Variants in PLEKHA6 observed in about 807,000 individuals in gnomAD.
The protein encoded by PLEKHA6 is pleckstrin homology domain-containing family A member 6.
PLEKHA6 carries 60 observed loss-of-function variants against 116.7 expected under a neutral mutation model. The ratio of observed to expected loss-of-function variants is 0.51; its 90% CI spans 0.42 to 0.64. PLEKHA6 has a LOEUF of 0.64. Ranked by LOEUF, PLEKHA6 falls within the 30% of genes least tolerant of loss-of-function variation. The pLI, the probability that PLEKHA6 is intolerant of heterozygous loss-of-function variation, is 0.00. For missense variants in PLEKHA6, 1,338 were observed against 1,422.7 expected (o/e 0.94, Z 0.96); for synonymous variants, 489 against 556.1 (o/e 0.88, Z 1.70).
chr1:204,245,295 C>A (rs1281164501), intron 14 of PLEKHA6, among the ~76,000 whole-genome samples: 1 of 151,942 alleles, frequency 6.6e-6, no homozygotes, highest in Non-Finnish European at 1.5e-5. Flanking sequence ...AAGGAAAACT[C>A]TAAGGTAGGG....
At chr1:204,249,847 G>A (rs1664296744) in intron 10 of PLEKHA6, among the ~76,000 whole-genome samples, 1 of 152,138 alleles carries the variant, frequency 6.6e-6, no homozygotes, top group Non-Finnish European at 1.5e-5. Flanking sequence ...GACAGGTGAG[G>A]CCAGAAAGAG....
intron 1 of PLEKHA6, among the ~76,000 whole-genome samples, chr1:204,321,447 C>G (rs746364188): frequency 6.6e-6 from 1 of 151,696 alleles, no homozygotes; most frequent in Non-Finnish European, 1.5e-5. Flanking sequence ...CTACTGCCCC[C>G]CTGCAGTGCA....
Position 204,228,332 on chromosome 1 carries a change from G to T in PLEKHA6, c.2886-104C>A. ...TTGGCAGGGAGGGCCAGGGCCCCGT[G>T]AATGTGCAGTCTCTGGTTCCCAGCA... is the stretch of plus-strand genomic sequence containing the variant. On this transcript the variant is annotated intron_variant, in intron 20 of 22. Transcript: ENST00000272203. This position sits in a 1 kb window ranked among gnomAD's most constrained non-coding sequence, Gnocchi z 4.0. 2 of 1,147,724 alleles carry T rather than the reference G, an allele frequency of 1.7e-6. No individual in the cohort carries two copies. Among genetic ancestry groups the T allele is most frequent in the Non-Finnish European group, 2.5e-6 (2 of 800,504 alleles). The allele number at this position is 1,147,724 out of a possible 1,614,324, so 71.1% of individuals were successfully genotyped here. A position where few individuals can be genotyped will look rare whatever the true frequency, so the allele number is the denominator to read the frequency against.
intron 1 of PLEKHA6, among the ~76,000 whole-genome samples, chr1:204,318,470 T>C (rs761087039): frequency 4.6e-5 from 7 of 152,204 alleles, no homozygotes; most frequent in Non-Finnish European, 8.8e-5. Context: ...GACTACAGCG[T>C]CTGTTTCACT....
chr1:204,318,212 A>T (rs1235195613), intron 1 of PLEKHA6, among the ~76,000 whole-genome samples: 1 of 152,204 alleles, frequency 6.6e-6, no homozygotes, highest in African/African-American at 2.4e-5. Context: ...CTGGCTTTAG[A>T]GAAGGAGACA....
chr1:204,282,759 TC>T, intron 1 of PLEKHA6: 1 of 985,302 alleles, frequency 1.0e-6, no homozygotes, highest in South Asian at 4.7e-5. Flanking sequence ...ACTGGGGCAA[TC>T]CAGCTCCCTG....
At chr1:204,224,025 C>A (rs1240266376) in intron 21 of PLEKHA6, among the ~76,000 whole-genome samples, 2 of 152,102 alleles carry the variant, frequency 1.3e-5, no homozygotes, top group East Asian at 3.9e-4. Context: ...ATTTAATGAA[C>A]AGAAGTGAAG....
At chr1:204,269,569 C>T (rs28504391) in intron 3 of PLEKHA6, among the ~76,000 whole-genome samples, 70,852 of 149,842 alleles carry the variant, frequency 0.47, 16,966 homozygotes, top group Middle Eastern at 0.59. Flanking sequence ...CCCAGCCCCC[C>T]GACCTCCCCT....
At chr1:204,370,627 T>A (rs1375474516) in intron 2 of PLEKHA6, among the ~76,000 whole-genome samples, 1 of 152,238 alleles carries the variant, frequency 6.6e-6, no homozygotes, top group East Asian at 1.9e-4. Flanking sequence ...CCACTAGCCC[T>A]GAGGGCTACC....
chr1:204,251,766 T>C (rs1291916555), intron 9 of PLEKHA6, among the ~76,000 whole-genome samples: 2 of 152,220 alleles, frequency 1.3e-5, no homozygotes, highest in Non-Finnish European at 2.9e-5. Context: ...TAGTGACCTC[T>C]GTTTCAGGAC....
At chr1:204,311,019 C>T (rs1421287091) in intron 1 of PLEKHA6, among the ~76,000 whole-genome samples, 9 of 152,094 alleles carry the variant, frequency 5.9e-5, no homozygotes, top group Non-Finnish European at 2.9e-5. Context: ...TTGGTGATCC[C>T]AGAATGAGAG....
chr1:204,273,806 C>A (rs1380890016), intron 2 of PLEKHA6, 66 bp from the exon 3 acceptor site: 5 of 1,110,916 alleles, frequency 4.5e-6, no homozygotes, highest in African/African-American at 3.1e-5. Flanking sequence ...ACAGCCCATC[C>A]TTTTTCCACA....
At chr1:204,286,659 C>T (rs1572071100) in intron 1 of PLEKHA6, among the ~76,000 whole-genome samples, 1 of 152,162 alleles carries the variant, frequency 6.6e-6, no homozygotes, top group South Asian at 2.1e-4. Context: ...GAGCATTAAA[C>T]CAAGCATGTG....
chr1:204,254,665 T>C (rs771765467), intron 9 of PLEKHA6, among the ~76,000 whole-genome samples: 1 of 152,190 alleles, frequency 6.6e-6, no homozygotes, highest in African/African-American at 2.4e-5. Context: ...ATAGCATCCA[T>C]CTTACAGGGT....
chr1:204,304,280 G>T (rs541089704), intron 1 of PLEKHA6, among the ~76,000 whole-genome samples: 1 of 152,380 alleles, frequency 6.6e-6, no homozygotes, highest in Non-Finnish European at 1.5e-5. Flanking sequence ...GGAAGAGGAA[G>T]TGAGAGTACA....
chr1:204,343,267 A>G (rs545071825), intron 1 of PLEKHA6, among the ~76,000 whole-genome samples: 31 of 152,330 alleles, frequency 2.0e-4, no homozygotes, highest in African/African-American at 7.5e-4. Flanking sequence ...ATTCCAGACA[A>G]TTTATTTCAA....
At position 204,267,536 on chromosome 1, in the gene PLEKHA6, C is replaced by G. The variant is rs1666966275; in HGVS notation, c.219G>C (p.Gly73=). ...AGWLFKQASS[G]VKQWNKRWFV... ...ACCAGCGCTTGTTCCACTGCTTAAC[C>G]CCGGAGCTGGCCTGCGGGACATGGG... Residue 73 remains glycine (G), a synonymous_variant, in exon 5 of 23, where the codon GGG becomes GGC. Coordinates refer to ENST00000272203, the MANE Select transcript of PLEKHA6 (RefSeq NM_014935.5). 6.2e-7 allele frequency: 1 copy of G among 1,614,084 alleles called. No homozygotes were observed. The highest frequency in any genetic ancestry group is 8.5e-7 in the Non-Finnish European group (1 of 1,179,980).
At chr1:204,270,069 T>C (rs1263717962) in intron 3 of PLEKHA6, among the ~76,000 whole-genome samples, 3 of 152,190 alleles carry the variant, frequency 2.0e-5, no homozygotes, top group Admixed American at 2.0e-4. Flanking sequence ...AAATGGCTGT[T>C]GCACTGTTAT....
At chr1:204,225,021 G>T (rs1024432612) in intron 21 of PLEKHA6, among the ~76,000 whole-genome samples, 1 of 152,190 alleles carries the variant, frequency 6.6e-6, no homozygotes, top group African/African-American at 2.4e-5. Flanking sequence ...ATTCTAAAAG[G>T]TGTTGACTCG....
Sources: allele counts gnomAD v4.1 joint callset (sites outside exome capture counted in the v4.1 genomes callset), GRCh38; gene constraint gnomAD v4.1.1; non-coding constraint Gnocchi (gnomAD v3.1); transcripts MANE v1.5; gene names NCBI Gene and HGNC (gene_info 2026-07-23, HGNC 2026-07-21).